CTRB1: variants seen among roughly 807,000 people sequenced by gnomAD.
CTRB1 encodes chymotrypsinogen B.
CTRB1 carries 15 observed loss-of-function variants against 20.4 expected under a neutral mutation model. The observed-to-expected ratio is 0.74, with a 90% CI of 0.49 to 1.13. The LOEUF is 1.13. Ranked by LOEUF, CTRB1 falls within the 50% of genes most tolerant of loss-of-function variation. The pLI is 0.00. For missense variants in CTRB1, 227 were observed against 290.1 expected (o/e 0.78, Z 1.58); for synonymous variants, 92 against 128.4 (o/e 0.72, Z 1.92).
At position 75,224,783 on chromosome 16, in the gene CTRB1, A is replaced by G. The variant is rs781445522; in HGVS notation, c.709A>G (p.Thr237Ala). ...LVGIVSWGSD[T>A]CSTSSPGVYA... is the part of the protein sequence containing the mutation. ...GGGCATTGTGTCCTGGGGCAGCGAC[A>G]CCTGCTCCACCTCCAGCCCTGGCGT... Residue 237 changes from threonine (T) to alanine (A), a missense_variant, in exon 7 of 7, where the codon ACC becomes GCC. Coordinates refer to ENST00000361017, the MANE Select transcript of CTRB1 (RefSeq NM_001906.6). 3.1e-6 allele frequency: 5 copies of G among 1,613,772 alleles called. No homozygotes were observed. The highest frequency in any genetic ancestry group is 1.3e-5 in the African/African-American group (1 of 74,912).
rs114786191 is a variant in CTRB1 at position 75,219,141 on chromosome 16, C to T, written c.52+82C>T. The stretch of plus-strand genomic sequence containing the variant: ...GGGGATCTGAGTCCCCTGCTCTGCC[C>T]CCTGGGGCCTCATCCCCAGCACAGG... On this transcript the variant is annotated intron_variant, in intron 1 of 6. Transcript: ENST00000361017. 841 of 1,433,690 alleles carry T rather than the reference C, an allele frequency of 5.9e-4. 4 individuals carry two copies. In the African/African-American group the frequency reaches 0.011, roughly 19 times the overall value. 88.8% of individuals were successfully genotyped at this position (1,433,690 alleles called of 1,614,324 possible).
intron 1 of CTRB1, 112 bp downstream of exon 1, chr16:75,219,171 C>G (rs2039043170): frequency 8.6e-7 from 1 of 1,165,630 alleles, no homozygotes; most frequent in South Asian, 1.4e-5. Flanking sequence ...CACAGGTAAC[C>G]TGAGGGCTCA....
At chr16:75,222,733 G>C in intron 1 of CTRB1, 35 bp from the exon 2 acceptor site, 2 of 1,540,956 alleles carry the variant, frequency 1.3e-6, no homozygotes, top group South Asian at 1.2e-5. Context: ...GGTGGGTTTG[G>C]GGCCTCAGCC....
At chr16:75,222,495 C>G in intron 1 of CTRB1, 10 of 532,972 alleles carry the variant, frequency 1.9e-5, no homozygotes, top group South Asian at 5.5e-5. Flanking sequence ...TCTTACAGCC[C>G]GGCCTGTTTT....
At chr16:75,222,291 G>T (rs1021561821) in intron 1 of CTRB1, among the ~76,000 whole-genome samples, 2 of 152,148 alleles carry the variant, frequency 1.3e-5, no homozygotes, top group Admixed American at 6.5e-5. Flanking sequence ...CAGATTCCTG[G>T]TGGACTTGGG....
chr16:75,224,493 T>C (rs1485142253), intron 6 of CTRB1, among the ~76,000 whole-genome samples: 1 of 152,180 alleles, frequency 6.6e-6, no homozygotes, highest in Non-Finnish European at 1.5e-5. Context: ...TGAGCTGCCA[T>C]TAAAGGGTCC....
intron 6 of CTRB1, among the ~76,000 whole-genome samples, 170 bp downstream of exon 6, chr16:75,224,358 T>C (rs1184705766): frequency 6.6e-6 from 1 of 152,206 alleles, no homozygotes; most frequent in East Asian, 1.9e-4. Flanking sequence ...CTTGGAGTTG[T>C]GCAGTGCACA....
intron 1 of CTRB1, among the ~76,000 whole-genome samples, chr16:75,220,937 T>G (rs1226068468): frequency 1.3e-5 from 2 of 152,148 alleles, no homozygotes; most frequent in African/African-American, 4.8e-5. Context: ...TTTGTATTTT[T>G]AGTAGAGACA....
intron 5 of CTRB1, 143 bp from the exon 6 acceptor site, chr16:75,223,912 C>T: frequency 3.0e-6 from 1 of 337,378 alleles, no homozygotes; most frequent in Non-Finnish European, 5.0e-6. Flanking sequence ...CCCCCTTGTC[C>T]CACAGGCGCT....
Position 75,222,762 on chromosome 16 carries a change from C to G in CTRB1, c.53-6C>G, listed in dbSNP as rs1004348093. The G allele has an allele frequency of 4.5e-6, 7 of 1,557,184 alleles. No homozygotes were observed. The highest frequency in any genetic ancestry group is 6.1e-6 in the Non-Finnish European group (7 of 1,149,740). ...CTCAGCCCTTATTCACCCCACTCCCCCCCAGGCTGCGGGGTCCCCGCCATC... is the reference window on the plus strand; with the variant it reads ...CTCAGCCCTTATTCACCCCACTCCCGCCCAGGCTGCGGGGTCCCCGCCATC... On this transcript the variant is annotated splice_polypyrimidine_tract_variant and splice_region_variant and intron_variant, in intron 1 of 6. Coordinates refer to ENST00000361017, the MANE Select transcript of CTRB1 (RefSeq NM_001906.6).
chr16:75,220,306 A>G (rs1174015400), intron 1 of CTRB1, among the ~76,000 whole-genome samples: 1 of 151,028 alleles, frequency 6.6e-6, no homozygotes, highest in Non-Finnish European at 1.5e-5. Flanking sequence ...GCCTCAGCCT[A>G]CTGAGTAGCT....
intron 1 of CTRB1, among the ~76,000 whole-genome samples, chr16:75,220,506 G>T (rs981583089): frequency 2.6e-5 from 4 of 152,124 alleles, no homozygotes; most frequent in Non-Finnish European, 5.9e-5. Flanking sequence ...ATGTTGTCCA[G>T]GCTGGTCTCG....
rs751726830 is a variant in CTRB1, at chr16:75,219,087, C to A, written c.52+28C>A. On this transcript the variant is annotated intron_variant, in intron 1 of 6. Coordinates refer to ENST00000361017, the MANE Select transcript of CTRB1 (RefSeq NM_001906.6). ...GAGTGCTGGTGCCCGAGGGGTCTGT[C>A]CTGAGGGAGCCCTGAGCCTGGCTGA... 1.9e-6 allele frequency: 3 copies of A among 1,570,084 alleles called. No individual in the cohort carries two copies. The South Asian group carries it at 3.5e-5, about 18-fold the overall frequency.
intron 1 of CTRB1, among the ~76,000 whole-genome samples, chr16:75,220,112 T>C (rs1158590784): frequency 6.6e-6 from 1 of 151,894 alleles, no homozygotes; most frequent in Non-Finnish European, 1.5e-5. Flanking sequence ...GCCTCCCGAG[T>C]AGCTGGCGCT....
intron 6 of CTRB1, 63 bp from the exon 7 acceptor site, chr16:75,224,642 G>GT: frequency 6.5e-7 from 1 of 1,529,600 alleles, no homozygotes; most frequent in South Asian, 1.2e-5. Flanking sequence ...ACAATGTCCA[G>GT]TGGCCCCTGG....
At chr16:75,221,222 C>T (rs1464405507) in intron 1 of CTRB1, among the ~76,000 whole-genome samples, 6 of 152,144 alleles carry the variant, frequency 3.9e-5, no homozygotes, top group Non-Finnish European at 7.3e-5. Context: ...TGGGTTGGCC[C>T]GCGCACAGGA....
At chr16:75,219,331 C>T (rs184317277) in intron 1 of CTRB1, among the ~76,000 whole-genome samples, 1 of 152,128 alleles carries the variant, frequency 6.6e-6, no homozygotes, top group East Asian at 1.9e-4. Context: ...CAGGAGACCT[C>T]CCAAGGCCTC....
At position 75,222,802 on chromosome 16, in the gene CTRB1, C is replaced by A. The variant is rs757245079; in HGVS notation, c.87C>A (p.Ser29Arg). 6.4e-7 allele frequency: 1 copy of A among 1,553,506 alleles called. No individual in the cohort carries two copies. The highest frequency in any genetic ancestry group is 8.7e-7 in the Non-Finnish European group (1 of 1,147,830). Reference sequence around the variant, plus strand: ...TCCCCGCCATCCACCCTGTGCTCAGCGGCCTGTCCAGGATCGTGAATGGGG... The same window carrying A: ...TCCCCGCCATCCACCCTGTGCTCAGAGGCCTGTCCAGGATCGTGAATGGGG... ...CGVPAIHPVL[S>R]GLSRIVNGED... Residue 29 changes from serine to arginine, a missense_variant, in exon 2 of 7, where the codon AGC becomes AGA. Ser to Arg is a moderately radical substitution (Grantham distance 110). Transcript: ENST00000361017.
intron 1 of CTRB1, among the ~76,000 whole-genome samples, chr16:75,220,545 C>T (rs2039069221): frequency 6.6e-6 from 1 of 152,180 alleles, no homozygotes. Flanking sequence ...ATCTGCTCAC[C>T]TCAACCTCCC....
Sources: gnomAD v4.1 joint callset for allele counts (sites outside exome capture counted in the v4.1 genomes callset) on GRCh38, gnomAD v4.1.1 for gene constraint, MANE v1.5 for transcripts, NCBI Gene and HGNC (gene_info 2026-07-23, HGNC 2026-07-21) for gene names.